The following ROBO2 variants were observed in gnomAD, a reference collection of about 807,000 sequenced individuals.
The protein encoded by ROBO2 is roundabout guidance receptor 2, also known as roundabout homolog 2.
Under a neutral mutation model 160.8 loss-of-function variants are expected in ROBO2, and 53 were observed. That is an observed-to-expected ratio of 0.33 (90% CI 0.26 to 0.41). The LOEUF (loss-of-function observed/expected upper bound fraction) is 0.41. ROBO2 is among the 10% of genes least tolerant of loss of function. The pLI, the probability that ROBO2 is intolerant of heterozygous loss-of-function variation, is 1.00. For synonymous variants in ROBO2, 664 were observed against 611.7 expected, an observed-to-expected ratio of 1.09 and a Z score of -1.26; for missense variants, 1,577 against 1,722.4, an observed-to-expected ratio of 0.92 and a Z score of 1.49.
chr3:77,128,785 T>C (rs2075583456), intron 2 of ROBO2, among the ~76,000 whole-genome samples: 1 of 152,240 alleles, frequency 6.6e-6, no homozygotes, highest in Non-Finnish European at 1.5e-5. Flanking sequence ...CATACCGTGA[T>C]ACAAATCCTT....
At position 76,309,467 on chromosome 3, in the gene ROBO2, C is replaced by T. The variant is rs6798976; in HGVS notation, c.109+371865C>T. On this transcript the variant is annotated intron_variant, in intron 2 of 26. Coordinates refer to the ROBO2 transcript ENST00000487694. Reference sequence around the variant, plus strand: ...TATTCCATTAATTTTTTTTGACAAACATAGTTTCCTTTTTATAAAAACAAA... The same window carrying T: ...TATTCCATTAATTTTTTTTGACAAATATAGTTTCCTTTTTATAAAAACAAA... Among the ~76,000 whole-genome samples, 1,281 of 152,154 alleles carry T rather than the reference C, an allele frequency of 8.4e-3. 13 individuals are homozygous for T. Among genetic ancestry groups the T allele is most frequent in the African/African-American group, 0.029 (1,224 of 41,530 alleles).
intron 2 of ROBO2, among the ~76,000 whole-genome samples, chr3:76,929,096 C>A (rs1007233099): frequency 4.6e-5 from 7 of 152,098 alleles, no homozygotes; most frequent in Admixed American, 2.0e-4. Context: ...CCCATCTGTA[C>A]TAAAAATACA....
At chr3:76,622,534 T>A (rs747453457) in intron 2 of ROBO2, among the ~76,000 whole-genome samples, 14 of 152,128 alleles carry the variant, frequency 9.2e-5, no homozygotes, top group Non-Finnish European at 1.5e-4. Context: ...CATCACTTTA[T>A]CTACAACAGG....
intron 2 of ROBO2, among the ~76,000 whole-genome samples, chr3:76,709,018 G>A (rs1487399832): frequency 2.0e-5 from 3 of 152,104 alleles, no homozygotes; most frequent in African/African-American, 7.2e-5. Context: ...TACTCAAAAG[G>A]TCAATATAGA....
chr3:77,324,107 T>C (rs2065104771), intron 2 of ROBO2, among the ~76,000 whole-genome samples: 1 of 152,158 alleles, frequency 6.6e-6, no homozygotes, highest in Non-Finnish European at 1.5e-5. Flanking sequence ...AGACTTTAGA[T>C]TAATGGTCAC....
chr3:76,044,213 A>T (rs1003463477), intron 2 of ROBO2, among the ~76,000 whole-genome samples: 2 of 152,096 alleles, frequency 1.3e-5, no homozygotes, highest in African/African-American at 4.8e-5. Flanking sequence ...ATGTGGGGTC[A>T]GAGAACAAGG....
At chr3:76,508,384 G>A (rs530196823) in intron 2 of ROBO2, among the ~76,000 whole-genome samples, 1 of 151,996 alleles carries the variant, frequency 6.6e-6, no homozygotes, top group Non-Finnish European at 1.5e-5. Context: ...CAGTATACCT[G>A]TTTGGAGGCT....
chr3:76,321,659 C>A (rs978413630), intron 2 of ROBO2, among the ~76,000 whole-genome samples: 1 of 152,298 alleles, frequency 6.6e-6, no homozygotes, highest in East Asian at 1.9e-4. Context: ...AGTCAAGTAA[C>A]CTACCCCCAT....
rs573871408 is a variant in ROBO2, at chr3:76,129,278, G to T, written c.109+191676G>T. On this transcript the variant is annotated intron_variant, in intron 2 of 26. Transcript: ENST00000487694. The stretch of plus-strand genomic sequence containing the variant: ...AAACAATTTGCTGCTGTACAGTAGT[G>T]AATGAGATGACGTGCACTCTAAGGA... Among the ~76,000 whole-genome samples the T allele has an allele frequency of 6.6e-5, 10 of 152,230 alleles. No individual in the cohort carries two copies. In the South Asian group the frequency reaches 2.1e-3, roughly 32 times the overall value.
At chr3:76,256,299 G>GTCTCTCTCTCTC (rs372215718) in intron 2 of ROBO2, among the ~76,000 whole-genome samples, 23 of 92,550 alleles carry the variant, frequency 2.5e-4, no homozygotes, top group Non-Finnish European at 3.5e-4. Context: ...GACAGAGTGA[G>GTCTCTCTCTCTC]TCTCTCTCTC....
At chr3:76,628,021 C>T (rs368256324) in intron 2 of ROBO2, among the ~76,000 whole-genome samples, 6 of 132,680 alleles carry the variant, frequency 4.5e-5, no homozygotes, top group East Asian at 2.4e-4. Flanking sequence ...AGTTTTAAGT[C>T]CTTTGGCTAA....
At chr3:77,165,156 G>T (rs1027533829) in intron 2 of ROBO2, among the ~76,000 whole-genome samples, 1 of 151,406 alleles carries the variant, frequency 6.6e-6, no homozygotes, top group Non-Finnish European at 1.5e-5. Context: ...GAAATCGGAT[G>T]GTTGCCGTGT....
Position 76,953,363 on chromosome 3 carries a change from G to C in ROBO2, c.110-144651G>C, listed in dbSNP as rs148289396. ...AAGAGCTTAGTCAAAGGCTAAGTCT[G>C]TTTAGTGATATCAGGAAAGGGGCAG... On this transcript the variant is annotated intron_variant, in intron 2 of 26. Transcript: ENST00000487694. Among the ~76,000 whole-genome samples the C allele has an allele frequency of 1.2e-3, 181 of 152,324 alleles. 1 individual carries two copies. Among genetic ancestry groups the C allele is most frequent in the Middle Eastern group, 6.8e-3 (2 of 294 alleles).
At chr3:76,786,465 T>C (rs2062981823) in intron 2 of ROBO2, among the ~76,000 whole-genome samples, 2 of 151,194 alleles carry the variant, frequency 1.3e-5, no homozygotes, top group Admixed American at 6.6e-5. Context: ...TACAAGGTGG[T>C]AGCAGAAAGA....
At chr3:77,388,224 G>T (rs945944770) in intron 2 of ROBO2, among the ~76,000 whole-genome samples, 1 of 151,856 alleles carries the variant, frequency 6.6e-6, no homozygotes, top group Admixed American at 6.6e-5. Flanking sequence ...AGGATGCAGG[G>T]TTATCTTTTC....
intron 2 of ROBO2, among the ~76,000 whole-genome samples, chr3:76,253,624 G>A (rs1254211960): frequency 1.3e-5 from 2 of 150,022 alleles, no homozygotes; most frequent in Non-Finnish European, 3.0e-5. Flanking sequence ...CAGCCACTAA[G>A]AGTAATAATA....
At chr3:76,168,363 A>G (rs1442213277) in intron 2 of ROBO2, among the ~76,000 whole-genome samples, 2 of 151,844 alleles carry the variant, frequency 1.3e-5, no homozygotes, top group Non-Finnish European at 2.9e-5. Flanking sequence ...TTTATCCTAT[A>G]TTTTCGTCTG....
At chr3:76,899,417 C>T (rs2075062363) in intron 2 of ROBO2, among the ~76,000 whole-genome samples, 2 of 152,074 alleles carry the variant, frequency 1.3e-5, no homozygotes. Context: ...TTAAATATGC[C>T]TCCTGCTTAG....
At chr3:77,629,939 G>A (rs1470543182) in intron 23 of ROBO2, 1 of 152,168 alleles carries the variant, frequency 6.6e-6, no homozygotes, top group Non-Finnish European at 1.5e-5. Flanking sequence ...TTGTCTAGGA[G>A]AGGAAACACA....
Sources: gnomAD v4.1 joint callset for allele counts (sites outside exome capture counted in the v4.1 genomes callset) on GRCh38, gnomAD v4.1.1 for gene constraint, MANE v1.5 for transcripts, NCBI Gene and HGNC (gene_info 2026-07-23, HGNC 2026-07-21) for gene names.